SLC17A7: variants seen among roughly 807,000 people sequenced by gnomAD.
SLC17A7 encodes the protein vesicular glutamate transporter 1.
A neutral mutation model predicts 59.1 loss-of-function variants in SLC17A7; 15 were observed. The ratio of observed to expected loss-of-function variants is 0.25; its 90% CI spans 0.17 to 0.39. SLC17A7 has a LOEUF of 0.39. Among genes scored for constraint, SLC17A7 ranks in the 10% least tolerant of loss-of-function variants. The pLI is 1.00. For synonymous variants in SLC17A7, 353 were observed against 308.9 expected, an observed-to-expected ratio of 1.14 and a Z score of -1.50; for missense variants, 499 against 765.1, an observed-to-expected ratio of 0.65 and a Z score of 4.10.
chr19:49,436,437 T>G lies in SLC17A7; in HGVS notation c.315+112A>C. The G allele has an allele frequency of 2.1e-6, 3 of 1,413,280 alleles. No homozygotes were observed. Among genetic ancestry groups the G allele is most frequent in the Non-Finnish European group, 1.9e-6 (2 of 1,041,828 alleles). 87.5% of individuals were successfully genotyped at this position (1,413,280 alleles called of 1,614,324 possible). A position where few individuals can be genotyped will look rare whatever the true frequency, so the allele number is the denominator to read the frequency against. On this transcript the variant is annotated intron_variant, in intron 2 of 11. Transcript: ENST00000221485. This position sits in a 1 kb window ranked among gnomAD's most constrained non-coding sequence, Gnocchi z 4.1. ...ATTGGGCGGAGCTATTCCGACAGCG[T>G]TTCGGAAGGGGCGTGGCCTGGACGT...
Position 49,431,574 on chromosome 19 carries a change from T to C in SLC17A7, c.1151-126A>G. ...GTCTATCCACCCCAGTCTGGCCACC[T>C]CCACGCCCAGGCCTCTTCGCGCCCT... On this transcript the variant is annotated intron_variant, in intron 9 of 11. Coordinates refer to ENST00000221485, the MANE Select transcript of SLC17A7 (RefSeq NM_020309.4). This position sits in a 1 kb window ranked among gnomAD's most constrained non-coding sequence, Gnocchi z 4.6. 1.4e-6 allele frequency: 1 copy of C among 736,464 alleles called. No individual in the cohort carries two copies. The highest frequency in any genetic ancestry group is 2.2e-6 in the Non-Finnish European group (1 of 447,126). 45.6% of individuals were successfully genotyped at this position (736,464 alleles called of 1,614,324 possible).
Position 49,431,188 on chromosome 19 carries a change from G to C in SLC17A7, c.1262-46C>G, listed in dbSNP as rs532385556. The C allele has an allele frequency of 8.2e-5, 130 of 1,590,870 alleles. 2 individuals carry two copies. The South Asian group carries it at 1.4e-3, about 17-fold the overall frequency. On this transcript the variant is annotated intron_variant, in intron 10 of 11. Coordinates refer to ENST00000221485, the MANE Select transcript of SLC17A7 (RefSeq NM_020309.4). The surrounding 1 kb of genome is among the most constrained non-coding windows in gnomAD (Gnocchi z 4.6). ...AAGGCGTCACACCGGAATCTCACTC[G>C]AGTGATTCCCACTGGGACGTTCTCA...
Position 49,429,466 on chromosome 19 carries a change from C to T in SLC17A7, c.*1053G>A, listed in dbSNP as rs78936189. 4.1e-3 allele frequency: 1,650 copies of T among 399,118 alleles called. 19 individuals carry two copies. The highest frequency in any genetic ancestry group is 0.024 in the East Asian group (673 of 28,068). The allele number at this position is 399,118 out of a possible 1,614,324, so 24.7% of individuals were successfully genotyped here. On this transcript the variant is annotated 3_prime_UTR_variant, in exon 12 of 12. Coordinates refer to ENST00000221485, the MANE Select transcript of SLC17A7 (RefSeq NM_020309.4). ...GGATTTACAGTCACAGAGACAGAGA[C>T]ACAAAGACACAACCCTGCACTGGGA... is the stretch of plus-strand genomic sequence containing the variant.
chr19:49,436,811 A>G lies in SLC17A7; in HGVS notation c.63-10T>C, dbSNP rs1201586325. On this transcript the variant is annotated splice_polypyrimidine_tract_variant and intron_variant, in intron 1 of 11. Coordinates refer to ENST00000221485, the MANE Select transcript of SLC17A7 (RefSeq NM_020309.4). This position sits in a 1 kb window ranked among gnomAD's most constrained non-coding sequence, Gnocchi z 4.1. ...CCGCTTCTCCAGAAGGCTGCGGGAC[A>G]GCAAGAGCCAGAGACTCGGAAGTCC... 1 of 1,598,342 alleles carries G rather than the reference A, an allele frequency of 6.3e-7. No individual in the cohort carries two copies. The highest frequency in any genetic ancestry group is 2.2e-5 in the East Asian group (1 of 44,830).
At position 49,436,397 on chromosome 19, in the gene SLC17A7, C is replaced by G; in HGVS notation, c.315+152G>C. ...GGCGGCCCCTAAGGCGAGGTCAGAA[C>G]TAAGGGGCGCACGGATTGGGCGGAG... On this transcript the variant is annotated intron_variant, in intron 2 of 11. Coordinates refer to ENST00000221485, the MANE Select transcript of SLC17A7 (RefSeq NM_020309.4). The surrounding 1 kb of genome is among the most constrained non-coding windows in gnomAD (Gnocchi z 4.1). 2 of 1,062,246 alleles carry G rather than the reference C, an allele frequency of 1.9e-6. No homozygotes were observed. The highest frequency in any genetic ancestry group is 2.7e-6 in the Non-Finnish European group (2 of 744,274). 65.8% of individuals were successfully genotyped at this position (1,062,246 alleles called of 1,614,324 possible). A position where few individuals can be genotyped will look rare whatever the true frequency, so the allele number is the denominator to read the frequency against.
In SLC17A7 at chr19:49,433,821, C is replaced by T. The variant is rs375509968; in HGVS notation, c.772G>A (p.Glu258Lys). 1 of 1,613,262 alleles carries T rather than the reference C, an allele frequency of 6.2e-7. No individual in the cohort carries two copies. Among genetic ancestry groups the T allele is most frequent in the African/African-American group, 1.3e-5 (1 of 74,834 alleles). Residue 258 changes from glutamate (E) to lysine (K), a missense_variant, in exon 7 of 12, where the codon GAG becomes AAG. Coordinates refer to ENST00000221485, the MANE Select transcript of SLC17A7 (RefSeq NM_020309.4). This position sits in a 1 kb window ranked among gnomAD's most constrained non-coding sequence, Gnocchi z 5.7. ...ATGCTGGGGTGCAGCGCGGGGGACT[C>T]GTAGGAGACGAGCAGCCAGAACAGG... ...WYLFWLLVSY[E>K]SPALHPSISE...
chr19:49,432,998 G>T (rs760330045), intron 7 of SLC17A7, 38 bp from the exon 8 acceptor site: 1 of 1,578,796 alleles, frequency 6.3e-7, no homozygotes, highest in African/African-American at 1.3e-5. Context: ...GACGGGGAGC[G>T]GGGCTGAGGG....
At position 49,432,502 on chromosome 19, in the gene SLC17A7, G is replaced by GGCCCC; in HGVS notation, c.1150+12_1150+16dup. Reference sequence around the variant, plus strand: ...CCCAGGCTGTCCTAGAGCCGGCCCAGGCCCCGCCCCACTCACCTCCGCAGT... The same window carrying GGCCCC: ...CCCAGGCTGTCCTAGAGCCGGCCCAGGCCCCGCCCCGCCCCACTCACCTCCGCAGT... On this transcript the variant is annotated intron_variant, in intron 9 of 11. Coordinates refer to ENST00000221485, the MANE Select transcript of SLC17A7 (RefSeq NM_020309.4). 1 of 1,609,398 alleles carries GGCCCC rather than the reference G, an allele frequency of 6.2e-7. No homozygotes were observed. The highest frequency in any genetic ancestry group is 8.5e-7 in the Non-Finnish European group (1 of 1,177,538).
In SLC17A7 at chr19:49,441,431, C is replaced by A; in HGVS notation, c.-52G>T. 3.6e-6 allele frequency: 5 copies of A among 1,397,104 alleles called. No individual in the cohort carries two copies. Among genetic ancestry groups the A allele is most frequent in the East Asian group, 3.4e-5 (1 of 29,662 alleles). The allele number at this position is 1,397,104 out of a possible 1,614,324, so 86.5% of individuals were successfully genotyped here. On this transcript the variant is annotated 5_prime_UTR_variant, in exon 1 of 12. Transcript: ENST00000221485. ...CCGCGGGTCCCCCCCGCCGATCCCC[C>A]CGCCCGCGGGCCCGGGCGGCCGCGT...
chr19:49,441,217 G>A (rs1434664552), intron 1 of SLC17A7, 101 bp downstream of exon 1: 1 of 1,530,540 alleles, frequency 6.5e-7, no homozygotes, highest in South Asian at 1.2e-5. Context: ...GGACCCCCAT[G>A]CCGGGGTATC....
At position 49,431,989 on chromosome 19, in the gene SLC17A7, G is replaced by A. The variant is rs1298428625; in HGVS notation, c.1150+530C>T. Among the ~76,000 whole-genome samples, 5 of 151,898 alleles carry A rather than the reference G, an allele frequency of 3.3e-5. No homozygotes were observed. The highest frequency in any genetic ancestry group is 7.4e-5 in the Non-Finnish European group (5 of 67,972). On this transcript the variant is annotated intron_variant, in intron 9 of 11. Coordinates refer to ENST00000221485, the MANE Select transcript of SLC17A7 (RefSeq NM_020309.4). This position sits in a 1 kb window ranked among gnomAD's most constrained non-coding sequence, Gnocchi z 4.6. ...TTAATTTTTCTAGAAACAAAGTCTC[G>A]CTCTGTCGCCCAGGCTGGAGTGCTG...
rs1002703368 is a variant in SLC17A7, at chr19:49,433,285, G to A, written c.868-325C>T. 1 of 397,796 alleles carries A rather than the reference G, an allele frequency of 2.5e-6. No individual in the cohort carries two copies. The highest frequency in any genetic ancestry group is 4.6e-6 in the Non-Finnish European group (1 of 218,590). 24.6% of individuals were successfully genotyped at this position (397,796 alleles called of 1,614,324 possible). A position where few individuals can be genotyped will look rare whatever the true frequency, so the allele number is the denominator to read the frequency against. ...TATTTTGTATTTTGAGTAGAGACGG[G>A]GGTTTCGCCATGTTGCCCAAGCTGG... On this transcript the variant is annotated intron_variant, in intron 7 of 11. Coordinates refer to ENST00000221485, the MANE Select transcript of SLC17A7 (RefSeq NM_020309.4). This position sits in a 1 kb window ranked among gnomAD's most constrained non-coding sequence, Gnocchi z 5.7.
At chr19:49,434,127 T>G (rs2078971414) in intron 5 of SLC17A7, 81 bp from the exon 6 acceptor site, 1 of 913,776 alleles carries the variant, frequency 1.1e-6, no homozygotes. Context: ...CTTCCCCCTT[T>G]CCAGACACTG....
chr19:49,439,379 G>T (rs2078991424), intron 1 of SLC17A7, among the ~76,000 whole-genome samples: 1 of 152,112 alleles, frequency 6.6e-6, no homozygotes, highest in Admixed American at 6.5e-5. Flanking sequence ...CCCTGCCCAA[G>T]ACCTGGCTCT....
rs1441270511 is a variant in SLC17A7, at chr19:49,429,507, T to TC, written c.*1011dup. The TC allele has an allele frequency of 2.5e-6, 1 of 398,898 alleles. No individual in the cohort carries two copies. Among genetic ancestry groups the TC allele is most frequent in the Non-Finnish European group, 4.4e-6 (1 of 226,088 alleles). 24.7% of individuals were successfully genotyped at this position (398,898 alleles called of 1,614,324 possible). On this transcript the variant is annotated 3_prime_UTR_variant, in exon 12 of 12. Transcript: ENST00000221485. ...TGCACTGGGAAAAAACACCCCTGGC[T>TC]CCTGCCCCATTCCCTTTCATGGGAT...
At position 49,430,313 on chromosome 19, in the gene SLC17A7, A is replaced by G; in HGVS notation, c.*206T>C. ...AGGGAACCTTTAGGGGAATTTGGGT[A>G]TCCTTGAAACTGTCAGTCTGCAGCT... is the stretch of plus-strand genomic sequence containing the variant. On this transcript the variant is annotated 3_prime_UTR_variant, in exon 12 of 12. Transcript: ENST00000221485. The G allele has an allele frequency of 2.1e-6, 1 of 487,072 alleles. No homozygotes were observed. Among genetic ancestry groups the G allele is most frequent in the Non-Finnish European group, 3.6e-6 (1 of 277,414 alleles). The allele number at this position is 487,072 out of a possible 1,614,324, so 30.2% of individuals were successfully genotyped here. A position where few individuals can be genotyped will look rare whatever the true frequency, so the allele number is the denominator to read the frequency against.
chr19:49,433,459 C>A lies in SLC17A7; in HGVS notation c.867+267G>T. On this transcript the variant is annotated intron_variant, in intron 7 of 11. Coordinates refer to ENST00000221485, the MANE Select transcript of SLC17A7 (RefSeq NM_020309.4). The surrounding 1 kb of genome is among the most constrained non-coding windows in gnomAD (Gnocchi z 5.7). ...CTCAACTCAAGGTCTAAGCAAAACC[C>A]CCACATTCTAATCCCTTCTCTGCTG... 1 of 585,728 alleles carries A rather than the reference C, an allele frequency of 1.7e-6. No homozygotes were observed. The highest frequency in any genetic ancestry group is 3.1e-6 in the Non-Finnish European group (1 of 321,716). The allele number at this position is 585,728 out of a possible 1,614,324, so 36.3% of individuals were successfully genotyped here.
chr19:49,438,503 G>A (rs1437815761), intron 1 of SLC17A7, among the ~76,000 whole-genome samples: 1 of 152,038 alleles, frequency 6.6e-6, no homozygotes, highest in Non-Finnish European at 1.5e-5. Context: ...CGGTCCAGGG[G>A]GAGGGAGGTG....
At position 49,435,306 on chromosome 19, in the gene SLC17A7, T is replaced by C. The variant is rs113335343; in HGVS notation, c.316-20A>G. The stretch of plus-strand genomic sequence containing the variant: ...GGCTTTCTGCGGGCCAAAATGTACA[T>C]TAAATCAGCCGCCCTGTCCAGGCTC... On this transcript the variant is annotated intron_variant, in intron 2 of 11. Transcript: ENST00000221485. 1 of 1,571,924 alleles carries C rather than the reference T, an allele frequency of 6.4e-7. No homozygotes were observed. The highest frequency in any genetic ancestry group is 8.8e-7 in the Non-Finnish European group (1 of 1,142,118).
Sources: gnomAD v4.1 joint callset for allele counts (sites outside exome capture counted in the v4.1 genomes callset) on GRCh38, gnomAD v4.1.1 for gene constraint, Gnocchi (gnomAD v3.1) non-coding constraint, MANE v1.5 for transcripts, NCBI Gene and HGNC (gene_info 2026-07-23, HGNC 2026-07-21) for gene names.